PDE1C: variants seen among roughly 807,000 people sequenced by gnomAD.
PDE1C encodes the protein phosphodiesterase 1C, also known as dual specificity calcium/calmodulin-dependent 3',5'-cyclic nucleotide phosphodiesterase 1C.
Under a neutral mutation model 93.1 loss-of-function variants are expected in PDE1C, and 62 were observed. The ratio of observed to expected loss-of-function variants is 0.67; its 90% CI spans 0.54 to 0.82. The LOEUF is 0.82. Ranked by LOEUF, PDE1C falls within the 40% of genes least tolerant of loss-of-function variation. The probability of loss-of-function intolerance (pLI) is 0.00; values close to 1 mark genes in which losing one functional copy is unlikely to be tolerated. For missense variants in PDE1C, 742 were observed against 884.6 expected, an observed-to-expected ratio of 0.84 and a Z score of 2.04; for synonymous variants, 325 against 310.1, an observed-to-expected ratio of 1.05 and a Z score of -0.50.
rs3807630 is a variant in PDE1C, at chr7:31,791,548, T to C, written c.1892-15816A>G. 2.6e-5 allele frequency among the ~76,000 whole-genome samples: 4 copies of C among 152,236 alleles called. No individual in the cohort carries two copies. In the East Asian group the frequency reaches 7.8e-4, roughly 30 times the overall value. On this transcript the variant is annotated intron_variant, in intron 16 of 17. Coordinates refer to ENST00000396191, the MANE Select transcript of PDE1C (RefSeq NM_001191057.4). ...CCCTGCCATTATCAACTTGGGATCA[T>C]ACGTCATGAGGCTTCTTTTAGAGAG...
the PDE1C span, among the ~76,000 whole-genome samples, chr7:31,690,583 G>T: frequency 7.9e-5 from 12 of 152,246 alleles, no homozygotes; most frequent in East Asian, 1.4e-3. Flanking sequence ...AAGTCATATG[G>T]CTTTTTAGTT....
In PDE1C at chr7:31,948,405, C is replaced by T. The variant is rs372232299; in HGVS notation, c.129-67545G>A. Among the ~76,000 whole-genome samples the T allele has an allele frequency of 7.2e-5, 11 of 152,306 alleles. No homozygotes were observed. In the East Asian group the frequency reaches 1.9e-3, roughly 27 times the overall value. On this transcript the variant is annotated intron_variant, in intron 2 of 17. Transcript: ENST00000396191. ...AGCTTCCCTTTAACACAACAGTTTA[C>T]ACATTGGCTGAAGAAAGTATTATCT...
intron 3 of PDE1C, among the ~76,000 whole-genome samples, chr7:32,156,722 C>T (rs192254832): frequency 3.2e-4 from 49 of 152,214 alleles, no homozygotes; most frequent in African/African-American, 1.1e-3. Flanking sequence ...AAATATCATC[C>T]AATACATAGA....
intron 2 of PDE1C, among the ~76,000 whole-genome samples, chr7:31,901,150 A>T (rs1583869255): frequency 2.1e-5 from 3 of 143,112 alleles, no homozygotes; most frequent in East Asian, 4.0e-4. Flanking sequence ...AAAAAAAAAA[A>T]TGGTTACGAA....
At chr7:31,770,779 G>T (rs1489172684) in intron 17 of PDE1C, among the ~76,000 whole-genome samples, 1 of 152,122 alleles carries the variant, frequency 6.6e-6, no homozygotes, top group Non-Finnish European at 1.5e-5. Flanking sequence ...AAAAGTGCAT[G>T]AGCCACCAAG....
intron 1 of PDE1C, among the ~76,000 whole-genome samples, chr7:32,405,944 C>G (rs182497): frequency 6.6e-6 from 1 of 152,080 alleles, no homozygotes; most frequent in Non-Finnish European, 1.5e-5. Flanking sequence ...CCATCCCTCA[C>G]GCATTAGAGC....
chr7:32,342,951 AT>A (rs1266517380), intron 1 of PDE1C, among the ~76,000 whole-genome samples: 29 of 152,192 alleles, frequency 1.9e-4, no homozygotes, highest in Non-Finnish European at 5.9e-5. Flanking sequence ...ACTCTGGAAT[AT>A]GCATCATTAT....
Position 31,966,967 on chromosome 7 carries a change from G to C in PDE1C, c.128+84587C>G, listed in dbSNP as rs13246566. Among the ~76,000 whole-genome samples the C allele has an allele frequency of 2.0e-3, 300 of 152,196 alleles. 4 individuals are homozygous for C. Among genetic ancestry groups the C allele is most frequent in the African/African-American group, 7.0e-3 (291 of 41,498 alleles). ...TGGGACACATTCAAAGCAGTGTGTA[G>C]AGGGAAATTTATAGCACTAAATGCC... On this transcript the variant is annotated intron_variant, in intron 2 of 17. Transcript: ENST00000396191.
intron 2 of PDE1C, among the ~76,000 whole-genome samples, chr7:31,982,767 G>GA (rs1186262150): frequency 2.0e-5 from 3 of 151,214 alleles, no homozygotes; most frequent in South Asian, 2.1e-4. Context: ...CCACATGTTT[G>GA]AAAAAAAATC....
intron 1 of PDE1C, among the ~76,000 whole-genome samples, chr7:32,364,796 A>G (rs1410547674): frequency 6.6e-6 from 1 of 152,184 alleles, no homozygotes; most frequent in Non-Finnish European, 1.5e-5. Flanking sequence ...CTGGGGCTTC[A>G]TTGTCATTAT....
intron 2 of PDE1C, among the ~76,000 whole-genome samples, chr7:32,189,867 A>G (rs1310942371): frequency 6.6e-6 from 1 of 152,218 alleles, no homozygotes; most frequent in Non-Finnish European, 1.5e-5. Flanking sequence ...ATGGGAAAGA[A>G]CTGTGACTTA....
chr7:32,387,806 G>A (rs1317314712), intron 1 of PDE1C, among the ~76,000 whole-genome samples: 3 of 146,764 alleles, frequency 2.0e-5, no homozygotes, highest in East Asian at 4.1e-4. Context: ...CGGGCGGGGG[G>A]CTGACCCCCA....
At chr7:32,147,755 G>T (rs144723029) in intron 3 of PDE1C, among the ~76,000 whole-genome samples, 1 of 150,602 alleles carries the variant, frequency 6.6e-6, no homozygotes, top group Non-Finnish European at 1.5e-5. Flanking sequence ...TTTCTCCATC[G>T]CCCCCTGAGG....
chr7:31,849,556 TC>T (rs1472911771), intron 8 of PDE1C, among the ~76,000 whole-genome samples: 2 of 152,320 alleles, frequency 1.3e-5, no homozygotes, highest in East Asian at 3.9e-4. Flanking sequence ...AATATTGTCT[TC>T]TTTTGTGTAT....
chr7:31,828,453 A>G (rs932253598), intron 11 of PDE1C, 80 bp from the exon 12 acceptor site: 27 of 891,580 alleles, frequency 3.0e-5, no homozygotes, highest in Non-Finnish European at 4.7e-5. Context: ...TTCTGCCGCC[A>G]CGGAGGCCAC....
At chr7:32,023,641 G>A (rs1357599435) in intron 2 of PDE1C, among the ~76,000 whole-genome samples, 3 of 149,466 alleles carry the variant, frequency 2.0e-5, no homozygotes, top group Non-Finnish European at 1.5e-5. Context: ...TGCTGCGTGA[G>A]AAAAAAAAAA....
chr7:32,057,883 T>G (rs1051573573), intron 1 of PDE1C, among the ~76,000 whole-genome samples: 1 of 152,196 alleles, frequency 6.6e-6, no homozygotes, highest in Non-Finnish European at 1.5e-5. Flanking sequence ...TCTAATAGCC[T>G]GGATAAGTGA....
At chr7:31,878,662 C>A (rs1036005298) in intron 4 of PDE1C, among the ~76,000 whole-genome samples, 1 of 152,092 alleles carries the variant, frequency 6.6e-6, no homozygotes, top group Non-Finnish European at 1.5e-5. Context: ...CTCAAAGCAT[C>A]CCAGATCTGT....
At chr7:31,685,918 TACCATGGCAAAAGTCTA>T in the PDE1C span, among the ~76,000 whole-genome samples, 1 of 152,146 alleles carries the variant, frequency 6.6e-6, no homozygotes, top group African/African-American at 2.4e-5. Context: ...GCTTATCTGT[TACCATGGCAAAAGTCTA>T]ACCCTAGGAG....
Sources: allele counts gnomAD v4.1 joint callset (sites outside exome capture counted in the v4.1 genomes callset), GRCh38; gene constraint gnomAD v4.1.1; transcripts MANE v1.5; gene names NCBI Gene and HGNC (gene_info 2026-07-23, HGNC 2026-07-21).